ITPR1: variants seen among roughly 807,000 people sequenced by gnomAD.
The protein encoded by ITPR1 is inositol 1,4,5-trisphosphate-gated calcium channel ITPR1.
A neutral mutation model predicts 318.4 loss-of-function variants in ITPR1; 96 were observed. That is an observed-to-expected ratio of 0.30 (90% CI 0.26 to 0.36). ITPR1 has a LOEUF of 0.36. ITPR1 is among the 10% of genes least tolerant of loss of function. The probability of loss-of-function intolerance (pLI) is 1.00; values close to 1 mark genes in which losing one functional copy is unlikely to be tolerated. For missense variants in ITPR1, 2,440 were observed against 3,460.2 expected (o/e 0.71, Z 7.40); for synonymous variants, 1,312 against 1,289.9 (o/e 1.02, Z -0.37).
At chr3:4,639,360 T>C in intron 5 of ITPR1, 24 bp from the exon 6 acceptor site, 8 of 1,529,090 alleles carry the variant, frequency 5.2e-6, no homozygotes, top group Non-Finnish European at 6.2e-6. Context: ...CTCTTTGTGA[T>C]CAATCTTTCT....
At position 4,739,470 on chromosome 3, in the gene ITPR1, C is replaced by A. The variant is rs114110115; in HGVS notation, c.5544+4116C>A. Among the ~76,000 whole-genome samples, 562 of 152,238 alleles carry A rather than the reference C, an allele frequency of 3.7e-3. 5 individuals carry two copies. The highest frequency in any genetic ancestry group is 0.013 in the African/African-American group (539 of 41,532). On this transcript the variant is annotated intron_variant, in intron 44 of 61. Coordinates refer to ENST00000649015, the MANE Select transcript of ITPR1 (RefSeq NM_001378452.1). ...CAGTTCCAGAAATGTATACAGTCTGCCCTCTGTGTTTGTCGGTTCTGCATC... is the reference window on the plus strand; with the variant it reads ...CAGTTCCAGAAATGTATACAGTCTGACCTCTGTGTTTGTCGGTTCTGCATC...
At chr3:4,685,242 G>T (rs763382476) in intron 30 of ITPR1, 36 bp downstream of exon 30, 1 of 1,562,978 alleles carries the variant, frequency 6.4e-7, no homozygotes, top group Non-Finnish European at 8.6e-7. Flanking sequence ...CTGCTCTCAG[G>T]ATGGGGCGGA....
At chr3:4,810,752 C>T (rs138612063) in intron 55 of ITPR1, among the ~76,000 whole-genome samples, 7 of 152,222 alleles carry the variant, frequency 4.6e-5, no homozygotes, top group South Asian at 4.2e-4. Flanking sequence ...GTGCCTAGCC[C>T]GAGATCATAC....
At chr3:4,565,028 C>G (rs2087080581) in intron 4 of ITPR1, among the ~76,000 whole-genome samples, 1 of 152,130 alleles carries the variant, frequency 6.6e-6, no homozygotes, top group Non-Finnish European at 1.5e-5. Flanking sequence ...GCTGTTTAAC[C>G]CATTTTTTGC....
chr3:4,696,205 A>G (rs1261615814), intron 33 of ITPR1, among the ~76,000 whole-genome samples: 1 of 152,172 alleles, frequency 6.6e-6, no homozygotes, highest in African/African-American at 2.4e-5. Flanking sequence ...TCACCATCAC[A>G]ATTTAGTTAC....
intron 20 of ITPR1, among the ~76,000 whole-genome samples, chr3:4,671,127 A>G (rs1207730088): frequency 2.0e-5 from 3 of 152,216 alleles, no homozygotes; most frequent in African/African-American, 4.8e-5. Flanking sequence ...CTGGTTCCCA[A>G]AAAGGATGAG....
Position 4,813,605 on chromosome 3 carries a change from A to G in ITPR1, c.7561+371A>G, listed in dbSNP as rs537245866. Among the ~76,000 whole-genome samples the G allele has an allele frequency of 6.4e-4, 97 of 152,350 alleles. 1 individual carries two copies. The highest frequency in any genetic ancestry group is 1.1e-3 in the Non-Finnish European group (75 of 68,028). ...GGCCTACTACTGGGCTAAGCGTATCATCAAGAAAGTGATATCCAAACTATA... is the reference window on the plus strand; with the variant it reads ...GGCCTACTACTGGGCTAAGCGTATCGTCAAGAAAGTGATATCCAAACTATA... On this transcript the variant is annotated intron_variant, in intron 57 of 61. Coordinates refer to ENST00000649015, the MANE Select transcript of ITPR1 (RefSeq NM_001378452.1).
At chr3:4,525,060 TA>T (rs1412081196) in intron 4 of ITPR1, among the ~76,000 whole-genome samples, 1 of 152,210 alleles carries the variant, frequency 6.6e-6, no homozygotes, top group East Asian at 1.9e-4. Flanking sequence ...TGTTTAATTT[TA>T]TGAGAATAAT....
Position 4,768,774 on chromosome 3 carries a change from T to C in ITPR1, c.5979+10T>C, listed in dbSNP as rs771689966. 2 of 1,602,656 alleles carry C rather than the reference T, an allele frequency of 1.2e-6. No individual in the cohort carries two copies. The highest frequency in any genetic ancestry group is 2.7e-5 in the African/African-American group (2 of 74,646). On this transcript the variant is annotated intron_variant, in intron 46 of 61. Transcript: ENST00000649015. Reference sequence around the variant, plus strand: ...CAACCGAGACCTGCAGGTGAGGGCCTGGGGGTGGGGGCGTGGAGGGAGCTC... The same window carrying C: ...CAACCGAGACCTGCAGGTGAGGGCCCGGGGGTGGGGGCGTGGAGGGAGCTC...
At chr3:4,781,670 A>G (rs997795599) in intron 49 of ITPR1, among the ~76,000 whole-genome samples, 9 of 152,106 alleles carry the variant, frequency 5.9e-5, no homozygotes, top group East Asian at 1.9e-4. Flanking sequence ...CCTTGACTCT[A>G]CTTCCTCATC....
chr3:4,562,370 G>C (rs548246969), intron 4 of ITPR1, among the ~76,000 whole-genome samples: 1 of 152,102 alleles, frequency 6.6e-6, no homozygotes, highest in African/African-American at 2.4e-5. Flanking sequence ...TTATTAAAAG[G>C]TTGGCTTATG....
chr3:4,619,584 TC>T (rs1388783702), intron 4 of ITPR1, among the ~76,000 whole-genome samples: 4 of 58,530 alleles, frequency 6.8e-5, no homozygotes, highest in African/African-American at 3.9e-4. Flanking sequence ...CCTTCCCCCT[TC>T]CCCTGCCCTC....
At chr3:4,723,143 A>G (rs2042280765) in intron 40 of ITPR1, among the ~76,000 whole-genome samples, 1 of 152,194 alleles carries the variant, frequency 6.6e-6, no homozygotes, top group Non-Finnish European at 1.5e-5. Flanking sequence ...GCAAGACTCC[A>G]TCACAAAAAC....
chr3:4,758,224 A>G (rs528840269), intron 44 of ITPR1, among the ~76,000 whole-genome samples: 1 of 152,288 alleles, frequency 6.6e-6, no homozygotes, highest in South Asian at 2.1e-4. Flanking sequence ...GGATTCTCTC[A>G]AGGCCCAGAG....
chr3:4,641,157 G>C (rs1013215402), intron 6 of ITPR1, among the ~76,000 whole-genome samples: 5 of 152,150 alleles, frequency 3.3e-5, no homozygotes, highest in African/African-American at 1.2e-4. Flanking sequence ...GCAGTCTTTC[G>C]TATTCCCTTC....
rs186144552 is a variant in ITPR1, at chr3:4,497,288, A to G, written c.-17+2782A>G. Among the ~76,000 whole-genome samples, 973 of 152,078 alleles carry G rather than the reference A, an allele frequency of 6.4e-3. 8 individuals carry two copies. The highest frequency in any genetic ancestry group is 0.044 in the Middle Eastern group (13 of 294). ...CTAAATTGGATGTAGTTTAAGGCAC[A>G]TGGTGTGGTAAATCTATTTAACAGA... On this transcript the variant is annotated intron_variant, in intron 2 of 61. Coordinates refer to ENST00000649015, the MANE Select transcript of ITPR1 (RefSeq NM_001378452.1).
intron 2 of ITPR1, 45 bp from the exon 3 acceptor site, chr3:4,516,428 TGAA>T: frequency 9.5e-7 from 1 of 1,053,634 alleles, no homozygotes; most frequent in Non-Finnish European, 1.4e-6. Flanking sequence ...TTTCCCCTTC[TGAA>T]CATTTCTTTT....
intron 12 of ITPR1, among the ~76,000 whole-genome samples, chr3:4,655,521 T>G (rs771268678): frequency 2.0e-5 from 3 of 152,170 alleles, no homozygotes; most frequent in Non-Finnish European, 2.9e-5. Flanking sequence ...ATTTTTCAGG[T>G]TCTCCCAGAT....
At chr3:4,599,342 A>G (rs1183204653) in intron 4 of ITPR1, among the ~76,000 whole-genome samples, 2 of 152,216 alleles carry the variant, frequency 1.3e-5, no homozygotes, top group African/African-American at 4.8e-5. Context: ...TTTAACTTGC[A>G]CAGTGTTTTA....
Sources: gnomAD v4.1 joint callset for allele counts (sites outside exome capture counted in the v4.1 genomes callset) on GRCh38, gnomAD v4.1.1 for gene constraint, MANE v1.5 for transcripts, NCBI Gene and HGNC (gene_info 2026-07-23, HGNC 2026-07-21) for gene names.